Variants in DNAH17 observed in about 807,000 individuals in gnomAD.
The protein encoded by DNAH17 is axonemal beta dynein heavy chain 17.
Under a neutral mutation model 485.6 loss-of-function variants are expected in DNAH17, and 376 were observed. That is an observed-to-expected ratio of 0.77 (90% CI 0.71 to 0.84). The LOEUF is 0.84. DNAH17 is among the 40% of genes least tolerant of loss of function. DNAH17 has a pLI of 0.00. For missense variants in DNAH17, 6,370 were observed against 5,839.3 expected (o/e 1.09, Z -2.96); for synonymous variants, 3,031 against 2,405.9 (o/e 1.26, Z -7.60).
At chr17:78,573,596 T>G (rs1305397037) in intron 2 of DNAH17, among the ~76,000 whole-genome samples, 1 of 81,492 alleles carries the variant, frequency 1.2e-5, no homozygotes, top group Non-Finnish European at 2.2e-5. Context: ...AAAAATACTG[T>G]CAAAAAAAAA....
At position 78,517,225 on chromosome 17, in the gene DNAH17, G is replaced by A. The variant is rs148906972; in HGVS notation, c.3865-2203C>T. On this transcript the variant is annotated intron_variant, in intron 25 of 80. Coordinates refer to ENST00000389840, the MANE Select transcript of DNAH17 (RefSeq NM_173628.4). ...CACCCAGCTAATTTTTATATTTTTA[G>A]TAGAGATGGGGTTTTGCCATGTTGG... 4.9e-4 allele frequency among the ~76,000 whole-genome samples: 75 copies of A among 152,290 alleles called. No homozygotes were observed. In the East Asian group the frequency reaches 0.013, roughly 25 times the overall value.
chr17:78,480,028 TTTTTTTTTTTTTTTTTTTTTTA>T (rs1279735849), intron 49 of DNAH17, among the ~76,000 whole-genome samples: 6 of 56,244 alleles, frequency 1.1e-4, no homozygotes, highest in African/African-American at 7.6e-4. Flanking sequence ...TTTTTTTTTT[TTTTTTTTTTTTTTTTTTTTTTA>T]AAAAAAGTAT....
intron 22 of DNAH17, among the ~76,000 whole-genome samples, chr17:78,528,600 G>A (rs993559582): frequency 2.6e-5 from 4 of 152,040 alleles, no homozygotes; most frequent in Non-Finnish European, 5.9e-5. Context: ...GAGGAGGGGT[G>A]GACGGGCTGG....
In DNAH17 at chr17:78,484,916, G is replaced by C; in HGVS notation, c.7601C>G (p.Thr2534Arg). The change falls in exon 48 of 81, where the codon ACG (threonine) becomes AGG (arginine). Residue 2534 changes from threonine to arginine, a missense_variant. Thr to Arg is a moderately conservative substitution (Grantham distance 71). Transcript: ENST00000389840. ...CCGGATGAGGGTGTGCGGGGCCACC[G>C]TCCCATACTTGTCCACCTCGGGCAT... ...MNMPEVDKYGTVAPHTLIRQH... is the reference protein window; with the variant it reads ...MNMPEVDKYGRVAPHTLIRQH... The C allele has an allele frequency of 6.2e-7, 1 of 1,600,726 alleles. No individual in the cohort carries two copies. The highest frequency in any genetic ancestry group is 8.5e-7 in the Non-Finnish European group (1 of 1,173,334).
At chr17:78,426,760 G>C (rs983193124) in intron 78 of DNAH17, 160 bp from the exon 79 acceptor site, 2 of 1,283,806 alleles carry the variant, frequency 1.6e-6, no homozygotes, top group African/African-American at 1.5e-5. Flanking sequence ...CTAAGGAACG[G>C]TCTAGATGAG....
chr17:78,516,036 A>AT (rs1182880668), intron 25 of DNAH17, among the ~76,000 whole-genome samples: 1 of 152,236 alleles, frequency 6.6e-6, no homozygotes, highest in African/African-American at 2.4e-5. Context: ...GATTGTTGAC[A>AT]TGGGCACTTA....
rs765358843 is a variant in DNAH17, at chr17:78,454,485, C to T, written c.10391G>A (p.Arg3464His). The T allele has an allele frequency of 1.2e-5, 19 of 1,612,582 alleles. No individual in the cohort carries two copies. Among genetic ancestry groups the T allele is most frequent in the Admixed American group, 8.3e-5 (5 of 59,904 alleles). ...CCGCACACACCTCTTCTGTCCCAGG[C>T]GGATGGCTTTCAGTTCACTCCTGTA... ...NKYRSELKAI[R>H]LGQKSYLDVI... Residue 3464 changes from arginine (R) to histidine (H), a missense_variant, in exon 64 of 81, where the codon CGC becomes CAC. Transcript: ENST00000389840.
At chr17:78,430,973 T>C (rs1041740815) in intron 75 of DNAH17, among the ~76,000 whole-genome samples, 8 of 152,156 alleles carry the variant, frequency 5.3e-5, no homozygotes, top group African/African-American at 1.9e-4. Context: ...CTTGATCTCC[T>C]GGGTTCAAGC....
chr17:78,570,879 G>C, intron 6 of DNAH17, 69 bp downstream of exon 6: 2 of 484,770 alleles, frequency 4.1e-6, no homozygotes, highest in Admixed American at 6.1e-5. Context: ...AAAAAAAAAA[G>C]AAAAAAGAAA....
chr17:78,493,902 CA>C, intron 41 of DNAH17, 133 bp downstream of exon 41: 1 of 1,304,588 alleles, frequency 7.7e-7, no homozygotes, highest in Admixed American at 2.9e-5. Context: ...GCCCATGACT[CA>C]GGCCGGAGGG....
chr17:78,442,794 T>C (rs2087124424), intron 71 of DNAH17, among the ~76,000 whole-genome samples: 1 of 152,208 alleles, frequency 6.6e-6, no homozygotes, highest in Admixed American at 6.5e-5. Context: ...TCAGGGTTTG[T>C]GTTGCGCACG....
intron 58 of DNAH17, 115 bp from the exon 59 acceptor site, chr17:78,460,372 G>A (rs1442549972): frequency 2.2e-5 from 20 of 892,764 alleles, no homozygotes; most frequent in South Asian, 1.6e-5. Flanking sequence ...GCACGTGCAT[G>A]AGTGTATGTG....
At chr17:78,463,298 G>C (rs1414684811) in intron 56 of DNAH17, among the ~76,000 whole-genome samples, 1 of 152,182 alleles carries the variant, frequency 6.6e-6, no homozygotes, top group East Asian at 1.9e-4. Flanking sequence ...GGACACAGCA[G>C]AGCTTATTAT....
In DNAH17 at chr17:78,561,874, G is replaced by C; in HGVS notation, c.1676C>G (p.Ala559Gly). 3.7e-6 allele frequency: 6 copies of C among 1,613,952 alleles called. No individual in the cohort carries two copies. Among genetic ancestry groups the C allele is most frequent in the Non-Finnish European group, 5.1e-6 (6 of 1,179,870 alleles). ...CATCTGGGCATCGTACAAGATCTTA[G>C]CATTGTCTAGCTCAGCGTCAAACAG... is the stretch of plus-strand genomic sequence containing the variant. ...LELFDAELDN[A>G]KILYDAQMAA... The change falls in exon 12 of 81, where the codon GCT becomes GGT. Residue 559 changes from alanine (A) to glycine (G), a missense_variant. Coordinates refer to ENST00000389840, the MANE Select transcript of DNAH17 (RefSeq NM_173628.4).
chr17:78,526,320 G>A (rs2091070465), intron 24 of DNAH17, among the ~76,000 whole-genome samples: 1 of 152,178 alleles, frequency 6.6e-6, no homozygotes, highest in African/African-American at 2.4e-5. Context: ...GAACAGAGTG[G>A]AGATTAGGGG....
At chr17:78,465,991 C>T (rs1038971831) in intron 56 of DNAH17, among the ~76,000 whole-genome samples, 56 of 152,074 alleles carry the variant, frequency 3.7e-4, no homozygotes, top group Middle Eastern at 3.4e-3. Flanking sequence ...AATGGAGAGG[C>T]GGGAGGGGTG....
At chr17:78,558,291 G>A (rs369809988) in intron 13 of DNAH17, 37 bp from the exon 14 acceptor site, 4 of 1,607,656 alleles carry the variant, frequency 2.5e-6, no homozygotes, top group East Asian at 2.2e-5. Flanking sequence ...CATGTCAGCA[G>A]GTCAGGTCAA....
At chr17:78,491,406 G>C (rs1180635514) in intron 43 of DNAH17, 37 bp downstream of exon 43, 7 of 1,604,678 alleles carry the variant, frequency 4.4e-6, no homozygotes, top group Non-Finnish European at 6.0e-6. Context: ...TCCCTGCCTT[G>C]GGTGGCCTTG....
In DNAH17 at chr17:78,428,633, C is replaced by T. The variant is rs1278552433; in HGVS notation, c.12480G>A (p.Glu4160=). 1 of 1,613,894 alleles carries T rather than the reference C, an allele frequency of 6.2e-7. No individual in the cohort carries two copies. The highest frequency in any genetic ancestry group is 2.2e-5 in the East Asian group (1 of 44,900). Reference sequence around the variant, plus strand: ...CTGAGGTGACCGTCAGAAAGCCAATCTCTGCGTTGGGGTGCAGGCCATACA... The same window carrying T: ...CTGAGGTGACCGTCAGAAAGCCAATTTCTGCGTTGGGGTGCAGGCCATACA... ...PYLYGLHPNA[E]IGFLTVTSEK... is the part of the protein sequence containing the mutation. The change falls in exon 77 of 81, where the codon GAG becomes GAA. Residue 4160 remains glutamate, a synonymous_variant. Transcript: ENST00000389840.
Sources: gnomAD v4.1 joint callset for allele counts (sites outside exome capture counted in the v4.1 genomes callset) on GRCh38, gnomAD v4.1.1 for gene constraint, MANE v1.5 for transcripts, NCBI Gene and HGNC (gene_info 2026-07-23, HGNC 2026-07-21) for gene names.